Variants in FOXP2 observed in about 807,000 individuals in gnomAD.
The protein encoded by FOXP2 is forkhead box P2, also known as forkhead box protein P2.
FOXP2 carries 12 observed loss-of-function variants against 115.8 expected under a neutral mutation model. The observed-to-expected ratio is 0.10, with a 90% CI of 0.07 to 0.17. The LOEUF (loss-of-function observed/expected upper bound fraction) is 0.17, where lower values mean the gene tolerates loss of function less well. Among genes scored for constraint, FOXP2 ranks in the 10% least tolerant of loss-of-function variants. The pLI is 1.00. For synonymous variants in FOXP2, 328 were observed against 297.7 expected (o/e 1.10, Z -1.05); for missense variants, 629 against 843.5 (o/e 0.75, Z 3.15).
chr7:114,369,071 G>A (rs1791945270), intron 2 of FOXP2, among the ~76,000 whole-genome samples: 1 of 152,152 alleles, frequency 6.6e-6, no homozygotes, highest in Non-Finnish European at 1.5e-5. Flanking sequence ...GCTGCTAGCT[G>A]GAAACTCAGC....
intron 3 of FOXP2, among the ~76,000 whole-genome samples, chr7:114,553,319 G>A (rs1398214955): frequency 6.6e-6 from 1 of 152,080 alleles, no homozygotes; most frequent in African/African-American, 2.4e-5. Context: ...TCTTAGAAAT[G>A]TAAACTTCAA....
At chr7:114,360,237 C>T (rs1017937954) in intron 2 of FOXP2, among the ~76,000 whole-genome samples, 11 of 152,106 alleles carry the variant, frequency 7.2e-5, no homozygotes, top group Admixed American at 2.0e-4. Flanking sequence ...TGCCTTCCAC[C>T]ATGATTGTGA....
chr7:114,379,975 T>A (rs988502178), intron 2 of FOXP2, among the ~76,000 whole-genome samples: 1 of 152,178 alleles, frequency 6.6e-6, no homozygotes, highest in African/African-American at 2.4e-5. Flanking sequence ...CCCTATTCTA[T>A]TTTTCCTGCT....
chr7:114,502,939 T>A (rs1463149460), intron 2 of FOXP2, among the ~76,000 whole-genome samples: 1 of 152,064 alleles, frequency 6.6e-6, no homozygotes, highest in Non-Finnish European at 1.5e-5. Context: ...GCCAAATAGA[T>A]GCAAGGGAAA....
intron 3 of FOXP2, among the ~76,000 whole-genome samples, chr7:114,583,981 G>T (rs576401723): frequency 6.6e-6 from 1 of 152,166 alleles, no homozygotes; most frequent in East Asian, 1.9e-4. Context: ...ATCACAGCAT[G>T]TTTACTTTGG....
At chr7:114,503,164 A>G (rs1306962873) in intron 2 of FOXP2, among the ~76,000 whole-genome samples, 1 of 151,944 alleles carries the variant, frequency 6.6e-6, no homozygotes, top group Non-Finnish European at 1.5e-5. Flanking sequence ...TTTCTCCTCA[A>G]GCAAAATATA....
intron 2 of FOXP2, among the ~76,000 whole-genome samples, chr7:114,518,428 TAC>T (rs1798449193): frequency 1.3e-5 from 2 of 152,142 alleles, no homozygotes; most frequent in Admixed American, 1.3e-4. Flanking sequence ...TGAATTATTA[TAC>T]AGATACCACA....
At chr7:114,190,563 A>G (rs1333955878) in intron 1 of FOXP2, among the ~76,000 whole-genome samples, 1 of 151,996 alleles carries the variant, frequency 6.6e-6, no homozygotes, top group Non-Finnish European at 1.5e-5. Context: ...AAACCATGGG[A>G]CTTCTTAGCT....
intron 1 of FOXP2, among the ~76,000 whole-genome samples, chr7:114,281,763 T>C (rs748187950): frequency 3.9e-5 from 6 of 152,232 alleles, no homozygotes; most frequent in Non-Finnish European, 8.8e-5. Context: ...TGTTTCAAAC[T>C]GTACCCATAA....
chr7:114,146,328 A>T (rs1431455879), intron 1 of FOXP2, among the ~76,000 whole-genome samples: 1 of 152,198 alleles, frequency 6.6e-6, no homozygotes, highest in Non-Finnish European at 1.5e-5. Context: ...AATTGACCTG[A>T]ATTGATTTCC....
intron 1 of FOXP2, among the ~76,000 whole-genome samples, chr7:114,262,175 GC>G (rs1405353919): frequency 1.3e-5 from 2 of 152,250 alleles, no homozygotes; most frequent in African/African-American, 2.4e-5. Flanking sequence ...TGTAATCCAA[GC>G]ACTTTGGGAG....
intron 2 of FOXP2, among the ~76,000 whole-genome samples, chr7:114,349,531 A>T (rs1791428380): frequency 1.3e-5 from 2 of 152,088 alleles, no homozygotes; most frequent in Non-Finnish European, 2.9e-5. Flanking sequence ...TCTATTTGGC[A>T]GTAGATATTT....
chr7:114,142,856 G>A (rs1392386570), intron 1 of FOXP2, among the ~76,000 whole-genome samples: 2 of 151,720 alleles, frequency 1.3e-5, no homozygotes, highest in African/African-American at 2.4e-5. Flanking sequence ...AAAATTTAAC[G>A]CCCACTTCTG....
chr7:114,449,165 A>T (rs1794963595), intron 2 of FOXP2, among the ~76,000 whole-genome samples: 1 of 152,032 alleles, frequency 6.6e-6, no homozygotes, highest in Admixed American at 6.6e-5. Flanking sequence ...TATCATTATT[A>T]TTTTGTTCAC....
intron 1 of FOXP2, among the ~76,000 whole-genome samples, chr7:114,167,383 T>C (rs1793010798): frequency 6.6e-6 from 1 of 152,210 alleles, no homozygotes; most frequent in Non-Finnish European, 1.5e-5. Flanking sequence ...TATTTTGTGG[T>C]GGTTCACTTT....
At chr7:114,255,530 T>C (rs1795587421) in intron 1 of FOXP2, among the ~76,000 whole-genome samples, 1 of 152,180 alleles carries the variant, frequency 6.6e-6, no homozygotes, top group South Asian at 2.1e-4. Context: ...GGCCTTGCAG[T>C]TTGATCTCAG....
At chr7:114,529,201 GA>G (rs914371514) in intron 2 of FOXP2, among the ~76,000 whole-genome samples, 1 of 151,686 alleles carries the variant, frequency 6.6e-6, no homozygotes, top group Non-Finnish European at 1.5e-5. Flanking sequence ...TTCTACAGCT[GA>G]AAAAAACAAA....
At chr7:114,327,383 T>G (rs1026742253) in intron 2 of FOXP2, among the ~76,000 whole-genome samples, 4 of 152,238 alleles carry the variant, frequency 2.6e-5, no homozygotes, top group Non-Finnish European at 4.4e-5. Context: ...TTATTAAATT[T>G]AGTCACCATT....
At chr7:114,257,077 GTAC>G (rs1182182063) in intron 1 of FOXP2, among the ~76,000 whole-genome samples, 5 of 152,156 alleles carry the variant, frequency 3.3e-5, no homozygotes, top group Non-Finnish European at 7.4e-5. Context: ...AAACAGCATG[GTAC>G]TGGTACCAAA....
Sources: gnomAD v4.1 joint callset for allele counts (sites outside exome capture counted in the v4.1 genomes callset) on GRCh38, gnomAD v4.1.1 for gene constraint, MANE v1.5 for transcripts, NCBI Gene and HGNC (gene_info 2026-07-23, HGNC 2026-07-21) for gene names.